RAB3B: variants seen among roughly 807,000 people sequenced by gnomAD.
RAB3B encodes the protein ras-related protein Rab-3B.
RAB3B carries 11 observed loss-of-function variants against 20.5 expected under a neutral mutation model. The observed-to-expected ratio is 0.54, with a 90% CI of 0.34 to 0.89. The LOEUF is 0.89. Ranked by LOEUF, RAB3B falls within the 40% of genes least tolerant of loss-of-function variation. The probability of loss-of-function intolerance (pLI) is 0.02; values close to 1 mark genes in which losing one functional copy is unlikely to be tolerated. For missense variants in RAB3B, 225 were observed against 280.9 expected, an observed-to-expected ratio of 0.80 and a Z score of 1.42; for synonymous variants, 99 against 106.3, an observed-to-expected ratio of 0.93 and a Z score of 0.42.
intron 2 of RAB3B, among the ~76,000 whole-genome samples, chr1:51,958,362 C>G (rs1365599132): frequency 6.6e-6 from 1 of 152,132 alleles, no homozygotes; most frequent in Non-Finnish European, 1.5e-5. Flanking sequence ...CAAATGAGAT[C>G]TCATATGTAT....
intron 2 of RAB3B, among the ~76,000 whole-genome samples, chr1:51,964,371 C>T (rs1684820034): frequency 6.6e-6 from 1 of 152,186 alleles, no homozygotes; most frequent in East Asian, 1.9e-4. Context: ...GATTCTCCCT[C>T]ATCTTCCCAA....
At chr1:51,920,141 G>A in intron 4 of RAB3B, 27 bp from the exon 5 acceptor site, 1 of 1,579,086 alleles carries the variant, frequency 6.3e-7, no homozygotes, top group Non-Finnish European at 8.6e-7. Flanking sequence ...TACAGATAAG[G>A]ACTTTTCCCA....
chr1:51,934,476 A>T (rs112345093), intron 3 of RAB3B, among the ~76,000 whole-genome samples: 257 of 152,282 alleles, frequency 1.7e-3, no homozygotes, highest in African/African-American at 5.8e-3. Context: ...TAAGACTTTT[A>T]AAAAATACTT....
chr1:51,965,517 G>C (rs1684838877), intron 2 of RAB3B, among the ~76,000 whole-genome samples: 1 of 151,726 alleles, frequency 6.6e-6, no homozygotes, highest in Admixed American at 6.6e-5. Flanking sequence ...TGCGGTGGGG[G>C]GCACGTGTAA....
At chr1:51,981,596 T>C (rs2809930) in intron 1 of RAB3B, among the ~76,000 whole-genome samples, 145,697 of 152,344 alleles carry the variant, frequency 0.96, 70,020 homozygotes, top group East Asian at 1. Context: ...ACATCATATG[T>C]ACAAGGTATA....
rs1683987830 is a variant in RAB3B, at chr1:51,910,857, C to T, written c.*9070G>A. ...CTGAAAGGAGACAGGAATCCTAATC[C>T]TACTGCTCAGGGACTTGCTGATTTA... is the stretch of plus-strand genomic sequence containing the variant. On this transcript the variant is annotated 3_prime_UTR_variant, in exon 5 of 5. Coordinates refer to ENST00000371655, the MANE Select transcript of RAB3B (RefSeq NM_002867.4). The T allele has an allele frequency of 6.6e-6, 1 of 152,202 alleles. No homozygotes were observed. Among genetic ancestry groups the T allele is most frequent in the South Asian group, 2.1e-4 (1 of 4,838 alleles). The allele number at this position is 152,202 out of a possible 1,614,324, so 9.4% of individuals were successfully genotyped here.
At chr1:51,984,387 C>CTTTT (rs949424495) in intron 1 of RAB3B, among the ~76,000 whole-genome samples, 5 of 98,902 alleles carry the variant, frequency 5.1e-5, no homozygotes, top group Non-Finnish European at 6.1e-5. Context: ...AAGACCAATT[C>CTTTT]TTTTTTTTTT....
At chr1:51,940,943 C>G (rs998227080) in intron 2 of RAB3B, among the ~76,000 whole-genome samples, 6 of 151,948 alleles carry the variant, frequency 3.9e-5, no homozygotes, top group Non-Finnish European at 7.4e-5. Flanking sequence ...TCCCATTTCA[C>G]TGGCCAAAGC....
intron 1 of RAB3B, among the ~76,000 whole-genome samples, chr1:51,985,849 TA>T (rs562172384): frequency 0.053 from 6,527 of 122,116 alleles, 401 homozygotes; most frequent in African/African-American, 0.16. Context: ...ATCTTACAGG[TA>T]AAAAAAAAAA....
intron 2 of RAB3B, among the ~76,000 whole-genome samples, chr1:51,969,255 C>A (rs1489418050): frequency 1.3e-5 from 2 of 152,166 alleles, no homozygotes; most frequent in African/African-American, 4.8e-5. Context: ...CATGAGCATA[C>A]CACTGCACTC....
At chr1:51,946,313 A>G (rs922297087) in intron 2 of RAB3B, among the ~76,000 whole-genome samples, 6 of 152,256 alleles carry the variant, frequency 3.9e-5, no homozygotes, top group African/African-American at 1.4e-4. Flanking sequence ...CCTGTGCTCT[A>G]TGGAAAGCAG....
At chr1:51,920,166 A>T in intron 4 of RAB3B, 52 bp from the exon 5 acceptor site, 1 of 1,511,134 alleles carries the variant, frequency 6.6e-7, no homozygotes, top group Non-Finnish European at 9.0e-7. Context: ...TTCTGCTGGA[A>T]CCCTTCTGTG....
intron 2 of RAB3B, chr1:51,973,410 A>C (rs1684962781): frequency 1.3e-5 from 2 of 152,070 alleles, no homozygotes; most frequent in African/African-American, 4.8e-5. Context: ...TGACCATGTC[A>C]TCTATGGCTA....
At chr1:51,980,447 T>A in intron 1 of RAB3B, 35 of 451,670 alleles carry the variant, frequency 7.7e-5, no homozygotes, top group East Asian at 1.4e-4. Context: ...AAAAAAAACC[T>A]CCTCTCTCCA....
chr1:51,960,955 C>G (rs1684776555), intron 2 of RAB3B, among the ~76,000 whole-genome samples: 1 of 152,102 alleles, frequency 6.6e-6, no homozygotes, highest in African/African-American at 2.4e-5. Context: ...AGATCCTTTC[C>G]CTATATGATC....
At chr1:51,975,601 C>T (rs765388728) in intron 2 of RAB3B, among the ~76,000 whole-genome samples, 2 of 152,214 alleles carry the variant, frequency 1.3e-5, no homozygotes, top group African/African-American at 4.8e-5. Context: ...AAAGACACTT[C>T]AGCAGCTCTG....
Position 51,910,428 on chromosome 1 carries a change from G to A in RAB3B, c.*9499C>T, listed in dbSNP as rs1683982392. On this transcript the variant is annotated 3_prime_UTR_variant, in exon 5 of 5. Transcript: ENST00000371655. The stretch of plus-strand genomic sequence containing the variant: ...TGTGCTCTATTCTCAACAAGTGTCA[G>A]AGATTCTTGTTTCTCTTCCTCTTGT... The A allele has an allele frequency of 6.6e-6, 1 of 152,150 alleles. No homozygotes were observed. Among genetic ancestry groups the A allele is most frequent in the Non-Finnish European group, 1.5e-5 (1 of 68,048 alleles). The allele number at this position is 152,150 out of a possible 1,614,324, so 9.4% of individuals were successfully genotyped here.
chr1:51,980,454 T>A, intron 1 of RAB3B: 4 of 557,610 alleles, frequency 7.2e-6, no homozygotes, highest in Non-Finnish European at 1.3e-5. Flanking sequence ...ACCTCCTCTC[T>A]CCAGTCCATG....
chr1:51,923,354 G>A (rs909553576), intron 4 of RAB3B, among the ~76,000 whole-genome samples: 6 of 152,190 alleles, frequency 3.9e-5, no homozygotes, highest in Non-Finnish European at 7.3e-5. Context: ...ATGCAGGAGA[G>A]GGAGAGGCTG....
Sources: allele counts gnomAD v4.1 joint callset (sites outside exome capture counted in the v4.1 genomes callset), GRCh38; gene constraint gnomAD v4.1.1; transcripts MANE v1.5; gene names NCBI Gene and HGNC (gene_info 2026-07-23, HGNC 2026-07-21).